Variants in PHACTR1 observed in about 807,000 individuals in gnomAD.
The protein encoded by PHACTR1 is phosphatase and actin regulator 1, also known as RPEL repeat containing 1.
A neutral mutation model predicts 69.2 loss-of-function variants in PHACTR1; 16 were observed. That is an observed-to-expected ratio of 0.23 (90% CI 0.16 to 0.35). PHACTR1 has a LOEUF of 0.35. PHACTR1 is among the 10% of genes least tolerant of loss of function. PHACTR1 has a pLI of 1.00. For missense variants in PHACTR1, 510 were observed against 734.7 expected (o/e 0.69, Z 3.54); for synonymous variants, 312 against 284.5 (o/e 1.10, Z -0.97).
chr6:12,724,377 G>A (rs1174934804), intron 3 of PHACTR1, among the ~76,000 whole-genome samples: 1 of 152,118 alleles, frequency 6.6e-6, no homozygotes, highest in Non-Finnish European at 1.5e-5. Flanking sequence ...TTTGTATCAA[G>A]GGCTGCCCCT....
At chr6:12,747,490 C>T (rs998831552) in intron 3 of PHACTR1, among the ~76,000 whole-genome samples, 3 of 151,698 alleles carry the variant, frequency 2.0e-5, no homozygotes, top group Non-Finnish European at 2.9e-5. Flanking sequence ...ATACTGAGAC[C>T]GCATCTCTAC....
intron 4 of PHACTR1, among the ~76,000 whole-genome samples, chr6:12,966,776 AAT>A (rs1231356823): frequency 6.6e-6 from 1 of 152,226 alleles, no homozygotes; most frequent in East Asian, 1.9e-4. Flanking sequence ...GTTTAGTAAA[AAT>A]ATGTGAAATT....
intron 4 of PHACTR1, among the ~76,000 whole-genome samples, chr6:12,861,840 T>A (rs1455347772): frequency 1.3e-5 from 2 of 152,170 alleles, no homozygotes; most frequent in Non-Finnish European, 2.9e-5. Context: ...GTTCATTTTT[T>A]AAAAAAATTA....
chr6:12,809,059 G>A (rs1408919560), intron 4 of PHACTR1, among the ~76,000 whole-genome samples: 1 of 151,848 alleles, frequency 6.6e-6, no homozygotes, highest in East Asian at 1.9e-4. Flanking sequence ...TTTTTGGTGT[G>A]TATTTTTTTG....
chr6:13,034,820 A>G (rs1266570988), intron 4 of PHACTR1, among the ~76,000 whole-genome samples: 1 of 152,240 alleles, frequency 6.6e-6, no homozygotes, highest in African/African-American at 2.4e-5. Flanking sequence ...CATTTGAGGC[A>G]GTATAAATGG....
intron 4 of PHACTR1, among the ~76,000 whole-genome samples, chr6:12,836,461 A>C (rs772925854): frequency 7.9e-5 from 12 of 152,148 alleles, no homozygotes; most frequent in Admixed American, 3.9e-4. Context: ...TATTGATGTC[A>C]ATAGCACAAA....
chr6:13,047,899 C>A (rs1251895509), intron 4 of PHACTR1, among the ~76,000 whole-genome samples: 1 of 152,116 alleles, frequency 6.6e-6, no homozygotes, highest in Non-Finnish European at 1.5e-5. Context: ...GGCCCAGCTC[C>A]TCCCGCTGCA....
At chr6:12,751,904 G>C (rs895675381) in intron 4 of PHACTR1, among the ~76,000 whole-genome samples, 2 of 152,180 alleles carry the variant, frequency 1.3e-5, no homozygotes, top group Admixed American at 6.5e-5. Flanking sequence ...GTCCTCCCTT[G>C]GTGGTGCTGA....
rs111356464 is a variant in PHACTR1 at position 13,034,234 on chromosome 6, A to G, written c.251-19131A>G. On this transcript the variant is annotated intron_variant, in intron 4 of 14. Transcript: ENST00000332995. ...GAGTTTCACCGTGTTAGCCAGGATG[A>G]TCTCGATCTCCTGACCTCGTGATCC... 4.5e-4 allele frequency among the ~76,000 whole-genome samples: 68 copies of G among 151,626 alleles called. 1 individual carries two copies. The highest frequency in any genetic ancestry group is 3.5e-3 in the Middle Eastern group (1 of 288).
intron 4 of PHACTR1, among the ~76,000 whole-genome samples, chr6:13,047,005 C>T (rs936889993): frequency 3.3e-5 from 5 of 152,104 alleles, no homozygotes; most frequent in Admixed American, 2.0e-4. Flanking sequence ...TAAGGTAGCT[C>T]TGAAAGTGAC....
chr6:12,924,463 A>G (rs1431792062), intron 4 of PHACTR1, among the ~76,000 whole-genome samples: 2 of 152,166 alleles, frequency 1.3e-5, no homozygotes, highest in Non-Finnish European at 2.9e-5. Context: ...TTAATGAGAT[A>G]TACAATGAGA....
chr6:12,902,793 C>T lies in PHACTR1; in HGVS notation c.251-150572C>T, dbSNP rs547210854. ...CCTGGAGAATGTGCAGATTCGCTCA[C>T]TACTCTCTCAAAGCAGGATGAACTA... is the stretch of plus-strand genomic sequence containing the variant. On this transcript the variant is annotated intron_variant, in intron 4 of 14. Coordinates refer to ENST00000332995, the MANE Select transcript of PHACTR1 (RefSeq NM_030948.6). Among the ~76,000 whole-genome samples the T allele has an allele frequency of 7.2e-5, 11 of 152,312 alleles. No individual in the cohort carries two copies. In the South Asian group the frequency reaches 2.3e-3, roughly 32 times the overall value.
At chr6:12,786,420 A>G (rs1771551323) in intron 4 of PHACTR1, among the ~76,000 whole-genome samples, 1 of 152,256 alleles carries the variant, frequency 6.6e-6, no homozygotes. Flanking sequence ...TATGCAGATT[A>G]ATACAGTCCA....
At chr6:13,165,329 A>C (rs974750984) in intron 6 of PHACTR1, among the ~76,000 whole-genome samples, 2 of 152,176 alleles carry the variant, frequency 1.3e-5, no homozygotes, top group Non-Finnish European at 2.9e-5. Flanking sequence ...CAATCTTATG[A>C]CCTATTTGCT....
intron 3 of PHACTR1, among the ~76,000 whole-genome samples, chr6:12,723,376 A>C (rs1478818596): frequency 1.3e-5 from 2 of 152,200 alleles, no homozygotes; most frequent in Non-Finnish European, 2.9e-5. Flanking sequence ...CTAGAGAATC[A>C]GAATCTGCAT....
At chr6:13,080,851 AAG>A (rs1811266091) in intron 5 of PHACTR1, among the ~76,000 whole-genome samples, 1 of 152,228 alleles carries the variant, frequency 6.6e-6, no homozygotes, top group African/African-American at 2.4e-5. Flanking sequence ...CATCCTACGA[AAG>A]AACTTTTCGT....
At chr6:12,835,471 A>G (rs1299591600) in intron 4 of PHACTR1, among the ~76,000 whole-genome samples, 1 of 152,050 alleles carries the variant, frequency 6.6e-6, no homozygotes, top group Admixed American at 6.6e-5. Context: ...ACACTTATTT[A>G]TTGGCTTTAA....
At chr6:13,109,026 C>T (rs937969133) in intron 5 of PHACTR1, among the ~76,000 whole-genome samples, 1 of 152,000 alleles carries the variant, frequency 6.6e-6, no homozygotes, top group African/African-American at 2.4e-5. Context: ...TTAATTTTAT[C>T]GCAGTCTACC....
At chr6:13,195,308 ATAAG>A (rs1179352329) in intron 7 of PHACTR1, among the ~76,000 whole-genome samples, 1 of 152,182 alleles carries the variant, frequency 6.6e-6, no homozygotes, top group African/African-American at 2.4e-5. Flanking sequence ...ATTAAAGGAG[ATAAG>A]TAATTCCAAC....
Sources: allele counts gnomAD v4.1 joint callset (sites outside exome capture counted in the v4.1 genomes callset), GRCh38; gene constraint gnomAD v4.1.1; transcripts MANE v1.5; gene names NCBI Gene and HGNC (gene_info 2026-07-23, HGNC 2026-07-21).